Variants in ALDH1L1 observed in about 807,000 individuals in gnomAD.
The protein encoded by ALDH1L1 is cytosolic 10-formyltetrahydrofolate dehydrogenase.
ALDH1L1 carries 68 observed loss-of-function variants against 101.1 expected under a neutral mutation model. The ratio of observed to expected loss-of-function variants is 0.67; its 90% confidence interval spans 0.55 to 0.82. The LOEUF is 0.82. ALDH1L1 is among the 40% of genes least tolerant of loss of function. The pLI, the probability that ALDH1L1 is intolerant of heterozygous loss-of-function variation, is 0.00. For synonymous variants in ALDH1L1, 486 were observed against 470.8 expected, an observed-to-expected ratio of 1.03 and a Z score of -0.42; for missense variants, 1,087 against 1,172.7, an observed-to-expected ratio of 0.93 and a Z score of 1.07.
rs79026971 is a variant in ALDH1L1, at chr3:126,174,977, T to C, written c.-24+5499A>G. 8.3e-4 allele frequency among the ~76,000 whole-genome samples: 126 copies of C among 151,994 alleles called. 2 individuals are homozygous for C. The East Asian group carries it at 0.02, about 24-fold the overall frequency. On this transcript the variant is annotated intron_variant, in intron 1 of 22. Coordinates refer to ENST00000393434, the MANE Select transcript of ALDH1L1 (RefSeq NM_012190.4). ...AAAGCTGGTTCCTTGAAAAGATGAA[T>C]AAAACTGAGACACCTCTAGCCAGGT... is the stretch of plus-strand genomic sequence containing the variant.
chr3:126,160,952 G>A lies in ALDH1L1; in HGVS notation c.28C>T (p.Leu10=), dbSNP rs373193582. 6.8e-6 allele frequency: 11 copies of A among 1,614,102 alleles called. No individual in the cohort carries two copies. The East Asian group carries it at 1.1e-4, about 16-fold the overall frequency. Residue 10 remains leucine (L), a synonymous_variant, in exon 2 of 23, where the codon CTG becomes TTG. Coordinates refer to ENST00000393434, the MANE Select transcript of ALDH1L1 (RefSeq NM_012190.4). MKIAVIGQS[L]FGQEVYCHLR... Reference sequence around the variant, plus strand: ...TGGCAGTAAACTTCCTGGCCAAACAGGCTCTGTCCAATCACTGCAATCTTC... The same window carrying A: ...TGGCAGTAAACTTCCTGGCCAAACAAGCTCTGTCCAATCACTGCAATCTTC...
intron 16 of ALDH1L1, among the ~76,000 whole-genome samples, chr3:126,123,007 G>A (rs115515317): frequency 1.9e-3 from 296 of 152,252 alleles, no homozygotes; most frequent in Non-Finnish European, 3.5e-3. Flanking sequence ...GAGATTATGA[G>A]ACTGGATAAA....
At chr3:126,162,818 G>C (rs997295456) in intron 1 of ALDH1L1, among the ~76,000 whole-genome samples, 1 of 151,894 alleles carries the variant, frequency 6.6e-6, no homozygotes, top group Non-Finnish European at 1.5e-5. Flanking sequence ...TTATTGTTTT[G>C]CCTTTTACAT....
At chr3:126,148,986 T>C (rs1344669162) in intron 8 of ALDH1L1, among the ~76,000 whole-genome samples, 1 of 152,146 alleles carries the variant, frequency 6.6e-6, no homozygotes, top group Admixed American at 6.5e-5. Flanking sequence ...ACCAACCAAT[T>C]AGAACTGGTT....
chr3:126,121,646 G>C (rs1428518279), intron 16 of ALDH1L1, among the ~76,000 whole-genome samples: 1 of 152,110 alleles, frequency 6.6e-6, no homozygotes, highest in East Asian at 1.9e-4. Context: ...AAACTCCCTG[G>C]AAATTCTTCT....
At chr3:126,125,132 C>T (rs868096073) in intron 15 of ALDH1L1, among the ~76,000 whole-genome samples, 12 of 152,268 alleles carry the variant, frequency 7.9e-5, no homozygotes, top group South Asian at 4.1e-4. Flanking sequence ...GCCTCTACTC[C>T]CCCACCTACA....
In ALDH1L1 at chr3:126,127,682, G is replaced by A. The variant is rs1050000447; in HGVS notation, c.1695-1961C>T. On this transcript the variant is annotated intron_variant, in intron 14 of 22. Coordinates refer to ENST00000393434, the MANE Select transcript of ALDH1L1 (RefSeq NM_012190.4). ...GCTGCAGCCTCACTGCTGAGGTTGC[G>A]GTGGCACTGGCCAGGGGAGGAGATG... 6.6e-5 allele frequency among the ~76,000 whole-genome samples: 10 copies of A among 152,188 alleles called. No individual in the cohort carries two copies. In the East Asian group the frequency reaches 7.7e-4, roughly 12 times the overall value.
chr3:126,167,002 A>G (rs1202535005), intron 1 of ALDH1L1, among the ~76,000 whole-genome samples: 1 of 152,188 alleles, frequency 6.6e-6, no homozygotes, highest in East Asian at 1.9e-4. Flanking sequence ...AAACTAGTCC[A>G]GTTTAATTTT....
chr3:126,130,253 T>C lies in ALDH1L1; in HGVS notation c.1664A>G (p.Asn555Ser). 6.2e-7 allele frequency: 1 copy of C among 1,609,864 alleles called. No homozygotes were observed. Among genetic ancestry groups the C allele is most frequent in the Non-Finnish European group, 8.5e-7 (1 of 1,177,994 alleles). ...AGGCTCCTTCCTGGTCAAGGTCAGG[T>C]TGCGGTTGGGTCTGGCCTGGTTGAT... Reference protein sequence around the residue: ...IPINQARPNRNLTLTRKEPVG... With the variant: ...IPINQARPNRSLTLTRKEPVG... Residue 555 changes from asparagine (N) to serine (S), a missense_variant, in exon 14 of 23, where the codon AAC becomes AGC. Transcript: ENST00000393434.
chr3:126,183,466 A>G (rs2081492717), upstream of ALDH1L1, among the ~76,000 whole-genome samples: 1 of 152,192 alleles, frequency 6.6e-6, no homozygotes, highest in Admixed American at 6.5e-5. Flanking sequence ...GCTGCATTTC[A>G]TGGAAAAGAA....
chr3:126,179,283 G>A (rs964556574), intron 1 of ALDH1L1, among the ~76,000 whole-genome samples: 5 of 152,256 alleles, frequency 3.3e-5, no homozygotes, highest in Non-Finnish European at 7.3e-5. Flanking sequence ...TGGCTCTCCA[G>A]GACCCAGCTT....
At chr3:126,127,880 T>C (rs1402959047) in intron 14 of ALDH1L1, among the ~76,000 whole-genome samples, 1 of 152,238 alleles carries the variant, frequency 6.6e-6, no homozygotes, top group Non-Finnish European at 1.5e-5. Context: ...AGCATCAGTC[T>C]GAATGCTCAC....
chr3:126,120,187 G>A (rs1464528659), intron 16 of ALDH1L1, among the ~76,000 whole-genome samples: 1 of 152,218 alleles, frequency 6.6e-6, no homozygotes, highest in Admixed American at 6.5e-5. Context: ...GAATGTTTAC[G>A]GCAGCTTTAC....
chr3:126,172,589 T>C (rs1472432981), intron 1 of ALDH1L1, among the ~76,000 whole-genome samples: 1 of 152,024 alleles, frequency 6.6e-6, no homozygotes, highest in Non-Finnish European at 1.5e-5. Flanking sequence ...GGTGGGACAA[T>C]TGCCATAGGT....
chr3:126,121,803 C>T (rs1333699182), intron 16 of ALDH1L1, among the ~76,000 whole-genome samples: 1 of 152,222 alleles, frequency 6.6e-6, no homozygotes, highest in African/African-American at 2.4e-5. Context: ...GAAGGCAGCG[C>T]TTCTTTCCTT....
intron 12 of ALDH1L1, among the ~76,000 whole-genome samples, chr3:126,132,203 G>C (rs1341938612): frequency 6.6e-6 from 1 of 152,232 alleles, no homozygotes; most frequent in Non-Finnish European, 1.5e-5. Flanking sequence ...GGTGGACAGG[G>C]AAAGTGGAGA....
intron 1 of ALDH1L1, among the ~76,000 whole-genome samples, chr3:126,169,679 G>A (rs982515287): frequency 2.6e-5 from 4 of 152,304 alleles, no homozygotes; most frequent in African/African-American, 7.2e-5. Context: ...CCATGGCTGG[G>A]CTTGGCTTTA....
chr3:126,114,026 C>G (rs1576415680), intron 18 of ALDH1L1, among the ~76,000 whole-genome samples: 1 of 152,220 alleles, frequency 6.6e-6, no homozygotes, highest in African/African-American at 2.4e-5. Context: ...ACTGCACCCA[C>G]GGCCACCGGT....
chr3:126,137,934 C>T lies in ALDH1L1; in HGVS notation c.1103G>A (p.Cys368Tyr). 2 of 1,614,174 alleles carry T rather than the reference C, an allele frequency of 1.2e-6. No homozygotes were observed. Among genetic ancestry groups the T allele is most frequent in the Non-Finnish European group, 1.7e-6 (2 of 1,180,016 alleles). Residue 368 changes from cysteine to tyrosine, a missense_variant, in exon 10 of 23, where the codon TGT becomes TAT. Physicochemically the swap from Cys to Tyr is radical, Grantham distance 194. Transcript: ENST00000393434. ...VRLVEEVKEL[C>Y]DGLELENEDV... is the part of the protein sequence containing the mutation. The stretch of plus-strand genomic sequence containing the variant: ...TTCATTTTCTAACTCCAGGCCATCA[C>T]ACAGCTCCTTCACTTCCTCCACCAG...
Sources: gnomAD v4.1 joint callset for allele counts (sites outside exome capture counted in the v4.1 genomes callset) on GRCh38, gnomAD v4.1.1 for gene constraint, MANE v1.5 for transcripts, NCBI Gene and HGNC (gene_info 2026-07-23, HGNC 2026-07-21) for gene names.